Variants in MYLK observed in about 807,000 individuals in gnomAD.
The protein encoded by MYLK is myosin light chain kinase.
Under a neutral mutation model 203.4 loss-of-function variants are expected in MYLK, and 106 were observed. The ratio of observed to expected loss-of-function variants is 0.52; its 90% confidence interval spans 0.45 to 0.61. MYLK has a LOEUF of 0.61. MYLK is among the 20% of genes least tolerant of loss of function. The pLI is 0.00. For synonymous variants in MYLK, 867 were observed against 959.5 expected (o/e 0.90, Z 1.78); for missense variants, 2,072 against 2,442.3 (o/e 0.85, Z 3.20).
At chr3:123,798,983 T>C (rs528423675) in intron 3 of MYLK, among the ~76,000 whole-genome samples, 7 of 152,174 alleles carry the variant, frequency 4.6e-5, no homozygotes, top group Non-Finnish European at 8.8e-5. Context: ...ACCAGAGAGG[T>C]TGGGTGATTT....
chr3:123,849,994 T>C (rs1462922721), intron 2 of MYLK, among the ~76,000 whole-genome samples: 2 of 152,204 alleles, frequency 1.3e-5, no homozygotes, highest in Non-Finnish European at 2.9e-5. Context: ...ATATGCGGTG[T>C]TTGGTTTTTT....
chr3:123,640,207 TTTCCTCTCACAC>T lies in MYLK; in HGVS notation c.4837+68_4837+79del. ...TCGGATTTAACCCCAATACTGTATG[TTTCCTCTCACAC>T]TCAGTGTGAGAGGAAACGGCCAGTG... On this transcript the variant is annotated intron_variant, in intron 28 of 33. Transcript: ENST00000360304. The surrounding 1 kb of genome is among the most constrained non-coding windows in gnomAD (Gnocchi z 4.3). The T allele has an allele frequency of 2.2e-6, 3 of 1,342,618 alleles. No homozygotes were observed. The highest frequency in any genetic ancestry group is 3.2e-6 in the Non-Finnish European group (3 of 935,480). The allele number at this position is 1,342,618 out of a possible 1,614,324, so 83.2% of individuals were successfully genotyped here.
At chr3:123,830,552 T>C (rs539346602) in intron 3 of MYLK, among the ~76,000 whole-genome samples, 1 of 152,310 alleles carries the variant, frequency 6.6e-6, no homozygotes, top group South Asian at 2.1e-4. Flanking sequence ...ATTATCAGTA[T>C]TATTTTTTTG....
At chr3:123,805,576 C>T (rs1397202862) in intron 3 of MYLK, among the ~76,000 whole-genome samples, 1 of 152,192 alleles carries the variant, frequency 6.6e-6, no homozygotes, top group East Asian at 1.9e-4. Context: ...AAGTCCAGAG[C>T]TGTATCATAA....
At position 123,732,939 on chromosome 3, in the gene MYLK, G is replaced by A. The variant is rs138761352; in HGVS notation, c.1473C>T (p.Asn491=). The A allele has an allele frequency of 6.1e-5, 99 of 1,614,064 alleles. No individual in the cohort carries two copies. Among genetic ancestry groups the A allele is most frequent in the South Asian group, 1.2e-4 (11 of 91,074 alleles). The change falls in exon 11 of 34, where the codon AAC becomes AAT. Residue 491 remains asparagine, a synonymous_variant. Coordinates refer to ENST00000360304, the MANE Select transcript of MYLK (RefSeq NM_053025.4). ...AGCTACAGGACAGCTGGCCTTGGGC[G>A]TTGGAAGCAGTGCAGCTGTATGTCC... ...DSGTYSCTAS[N]AQGQLSCSWT... is the part of the protein sequence containing the mutation.
Position 123,682,621 on chromosome 3 carries a change from C to A in MYLK, c.3566-311G>T, listed in dbSNP as rs561762816. 5.4e-4 allele frequency among the ~76,000 whole-genome samples: 82 copies of A among 152,334 alleles called. No homozygotes were observed. In the South Asian group the frequency reaches 0.011, roughly 21 times the overall value. On this transcript the variant is annotated intron_variant, in intron 19 of 33. Coordinates refer to ENST00000360304, the MANE Select transcript of MYLK (RefSeq NM_053025.4). Reference sequence around the variant, plus strand: ...CGGAATGCCATTGCTGGCAGAGTCACCCCTTGCTCACCTTCCCTGGCTTTC... The same window carrying A: ...CGGAATGCCATTGCTGGCAGAGTCAACCCTTGCTCACCTTCCCTGGCTTTC...
chr3:123,666,328 A>G lies in MYLK; in HGVS notation c.3722T>C (p.Ile1241Thr). The G allele has an allele frequency of 1.2e-6, 2 of 1,614,168 alleles. No homozygotes were observed. Among genetic ancestry groups the G allele is most frequent in the South Asian group, 2.2e-5 (2 of 91,080 alleles). The change falls in exon 22 of 34, where the codon ATC becomes ACC. Residue 1241 changes from isoleucine (I) to threonine (T), a missense_variant. This residue lies in a region of MYLK where 865 missense variants were observed against 1,016.0 expected (regional missense o/e 0.85). Coordinates refer to ENST00000360304, the MANE Select transcript of MYLK (RefSeq NM_053025.4). ...PPKAAMPPQI[I>T]QFPEDQKVRA... ...TACCTTCTGGTCCTCAGGGAACTGGATGATCTGAGGGGGCATTGCTGAGGG... is the reference window on the plus strand; with the variant it reads ...TACCTTCTGGTCCTCAGGGAACTGGGTGATCTGAGGGGGCATTGCTGAGGG...
At chr3:123,849,809 A>G (rs2030522692) in intron 2 of MYLK, among the ~76,000 whole-genome samples, 1 of 152,016 alleles carries the variant, frequency 6.6e-6, no homozygotes. Context: ...TTCGTTACAT[A>G]TGTATACATG....
intron 2 of MYLK, among the ~76,000 whole-genome samples, chr3:123,870,096 A>G (rs1323292359): frequency 2.0e-5 from 3 of 152,184 alleles, no homozygotes; most frequent in Non-Finnish European, 4.4e-5. Flanking sequence ...GGTCCTGGAA[A>G]GGGGTCAATC....
chr3:123,625,058 C>G (rs901837941), intron 31 of MYLK: 1 of 152,426 alleles, frequency 6.6e-6, no homozygotes, highest in Non-Finnish European at 1.5e-5. Context: ...AGCTAAAAGA[C>G]TCTGCTCCTG....
intron 12 of MYLK, among the ~76,000 whole-genome samples, chr3:123,725,350 A>G (rs977405388): frequency 2.6e-5 from 4 of 152,196 alleles, no homozygotes; most frequent in Admixed American, 6.5e-5. Context: ...ATGGTCCTTT[A>G]AAAAGAAAAG....
chr3:123,727,991 T>C (rs2062348498), intron 11 of MYLK, among the ~76,000 whole-genome samples: 1 of 152,212 alleles, frequency 6.6e-6, no homozygotes, highest in African/African-American at 2.4e-5. Context: ...TAAACTCATC[T>C]GCCAAGAATT....
At chr3:123,749,792 T>C (rs1478760898) in intron 5 of MYLK, among the ~76,000 whole-genome samples, 1 of 152,240 alleles carries the variant, frequency 6.6e-6, no homozygotes, top group Non-Finnish European at 1.5e-5. Flanking sequence ...AATTTCTCCA[T>C]AGTTAGAAAT....
chr3:123,624,433 C>A (rs1479139472), intron 31 of MYLK: 1 of 152,112 alleles, frequency 6.6e-6, no homozygotes. Context: ...TGCTCCTAGC[C>A]CCTGGGTTTA....
At chr3:123,733,663 G>T (rs752197664) in intron 10 of MYLK, 24 bp downstream of exon 10, 2 of 1,612,972 alleles carry the variant, frequency 1.2e-6, no homozygotes, top group Non-Finnish European at 1.7e-6. Context: ...TTGGCAATCG[G>T]TGACCCTAAT....
intron 3 of MYLK, among the ~76,000 whole-genome samples, chr3:123,831,088 G>T (rs1453005078): frequency 1.3e-5 from 2 of 152,112 alleles, no homozygotes; most frequent in Admixed American, 6.5e-5. Flanking sequence ...TTCCACCTGT[G>T]TTCCATCCCC....
At chr3:123,881,872 T>A (rs1226259724) in intron 1 of MYLK, among the ~76,000 whole-genome samples, 2 of 152,092 alleles carry the variant, frequency 1.3e-5, no homozygotes, top group African/African-American at 4.8e-5. Context: ...GCCTCTCCCC[T>A]CTGCACCATC....
chr3:123,854,514 G>T (rs2031172159), intron 2 of MYLK, among the ~76,000 whole-genome samples: 1 of 151,732 alleles, frequency 6.6e-6, no homozygotes, highest in Non-Finnish European at 1.5e-5. Flanking sequence ...GTTTACCATT[G>T]CCTCTTACAT....
chr3:123,877,816 G>A lies in MYLK; in HGVS notation c.-185-1199C>T, dbSNP rs370433288. Reference sequence around the variant, plus strand: ...GACACTAATAGGAAAATACCAAATGGAAATTTAACTTGGACAATGGGGAAG... The same window carrying A: ...GACACTAATAGGAAAATACCAAATGAAAATTTAACTTGGACAATGGGGAAG... On this transcript the variant is annotated intron_variant, in intron 1 of 33. Coordinates refer to ENST00000360304, the MANE Select transcript of MYLK (RefSeq NM_053025.4). 5.3e-5 allele frequency among the ~76,000 whole-genome samples: 8 copies of A among 152,318 alleles called. 1 individual carries two copies. The South Asian group carries it at 1.7e-3, about 32-fold the overall frequency.
Sources: gnomAD v4.1 joint callset for allele counts (sites outside exome capture counted in the v4.1 genomes callset) on GRCh38, gnomAD v4.1.1 for gene constraint, gnomAD v4.1.1 regional missense constraint, Gnocchi (gnomAD v3.1) non-coding constraint, MANE v1.5 for transcripts, NCBI Gene and HGNC (gene_info 2026-07-23, HGNC 2026-07-21) for gene names.